The following SORBS2 variants were observed in gnomAD, a reference collection of about 807,000 sequenced individuals.
SORBS2 encodes sorbin and SH3 domain containing 2.
A neutral mutation model predicts 97.7 loss-of-function variants in SORBS2; 46 were observed. The ratio of observed to expected loss-of-function variants is 0.47; its 90% CI spans 0.37 to 0.60. The LOEUF (loss-of-function observed/expected upper bound fraction) is 0.60. Among genes scored for constraint, SORBS2 ranks in the 20% least tolerant of loss-of-function variants. The probability of loss-of-function intolerance (pLI) is 0.00; values close to 1 mark genes in which losing one functional copy is unlikely to be tolerated. For synonymous variants in SORBS2, 476 were observed against 473.4 expected, an observed-to-expected ratio of 1.01 and a Z score of -0.07; for missense variants, 1,316 against 1,282.3, an observed-to-expected ratio of 1.03 and a Z score of -0.40.
chr4:185,593,016 G>A (rs2095991307), intron 13 of SORBS2: 2 of 152,250 alleles, frequency 1.3e-5, no homozygotes, highest in Admixed American at 1.3e-4. Context: ...GGTGATAAAG[G>A]CACCAGGTCA....
Position 185,606,190 on chromosome 4 carries a change from T to A in SORBS2, c.2796+5590A>T, listed in dbSNP as rs2096413929. ...GGCATCAACTTCCTCTTCTCTAAAG[T>A]GGGGATGATAATGTCACACACCTCA... is the stretch of plus-strand genomic sequence containing the variant. On this transcript the variant is annotated intron_variant, in intron 12 of 14. Coordinates refer to ENST00000418609, the Ensembl canonical transcript of SORBS2. This position sits in a 1 kb window ranked among gnomAD's most constrained non-coding sequence, Gnocchi z 4.3. The A allele has an allele frequency of 1.0e-6, 1 of 985,228 alleles. No homozygotes were observed. The highest frequency in any genetic ancestry group is 1.2e-6 in the Non-Finnish European group (1 of 829,890). The allele number at this position is 985,228 out of a possible 1,614,324, so 61.0% of individuals were successfully genotyped here.
intron 1 of SORBS2, among the ~76,000 whole-genome samples, chr4:185,921,273 C>T (rs181095233): frequency 1.3e-5 from 2 of 152,184 alleles, no homozygotes; most frequent in Admixed American, 1.3e-4. Context: ...AACATCAATA[C>T]CGTAAGGATT....
rs577134929 is a variant in SORBS2, at chr4:185,684,843, C to T, written c.-197-6021G>A. The T allele has an allele frequency of 1.4e-5, 21 of 1,551,698 alleles. No homozygotes were observed. Among genetic ancestry groups the T allele is most frequent in the Non-Finnish European group, 1.8e-5 (21 of 1,146,938 alleles). The stretch of plus-strand genomic sequence containing the variant: ...GGCACGTTTGCGAGCACACCCACCG[C>T]TATCTGGAAGCAAAAAAATGATATA... On this transcript the variant is annotated intron_variant, in intron 2 of 20. Transcript: ENST00000284776. This position sits in a 1 kb window ranked among gnomAD's most constrained non-coding sequence, Gnocchi z 4.2.
chr4:185,879,422 A>C (rs375431903), intron 1 of SORBS2, among the ~76,000 whole-genome samples: 1 of 152,004 alleles, frequency 6.6e-6, no homozygotes, highest in East Asian at 1.9e-4. Context: ...TCTATCATTG[A>C]TGGACATTCG....
intron 1 of SORBS2, among the ~76,000 whole-genome samples, chr4:185,827,304 C>A (rs796577803): frequency 7.8e-6 from 1 of 128,820 alleles, no homozygotes; most frequent in Non-Finnish European, 1.7e-5. Context: ...TCATCATCAC[C>A]ATCATCACCA....
chr4:185,915,128 T>A (rs1022260568), intron 1 of SORBS2, among the ~76,000 whole-genome samples: 2 of 152,248 alleles, frequency 1.3e-5, no homozygotes, highest in Non-Finnish European at 2.9e-5. Flanking sequence ...TCACTGCTCA[T>A]TTTCTCATGT....
chr4:185,759,070 C>G (rs548243595), intron 2 of SORBS2, among the ~76,000 whole-genome samples: 43 of 152,314 alleles, frequency 2.8e-4, no homozygotes, highest in Admixed American at 8.5e-4. Context: ...GTCTCAAGCG[C>G]TCAGAACAGT....
intron 1 of SORBS2, among the ~76,000 whole-genome samples, chr4:185,937,470 T>A (rs187909387): frequency 1.1e-3 from 165 of 152,288 alleles, no homozygotes; most frequent in African/African-American, 3.9e-3. Context: ...AATCTTAAGG[T>A]TGATGGGCAC....
intron 1 of SORBS2, among the ~76,000 whole-genome samples, chr4:185,798,403 A>T (rs755956842): frequency 1.6e-4 from 24 of 152,308 alleles, no homozygotes; most frequent in Non-Finnish European, 3.1e-4. Context: ...TGATAATGAC[A>T]TTTAGGCCAG....
intron 2 of SORBS2, among the ~76,000 whole-genome samples, chr4:185,731,822 GTC>G (rs1260184207): frequency 1.7e-5 from 1 of 59,670 alleles, no homozygotes; most frequent in Non-Finnish European, 3.2e-5. Context: ...CTCCCTGCCT[GTC>G]TCTCTCTTTC....
At chr4:185,939,566 G>A (rs1414812136) in intron 1 of SORBS2, among the ~76,000 whole-genome samples, 4 of 151,938 alleles carry the variant, frequency 2.6e-5, no homozygotes, top group African/African-American at 7.3e-5. Context: ...GCTGGAGTGC[G>A]ATGGCGCGAC....
chr4:185,855,221 C>G (rs1006683901), intron 1 of SORBS2, among the ~76,000 whole-genome samples: 5 of 152,050 alleles, frequency 3.3e-5, no homozygotes, highest in African/African-American at 9.7e-5. Flanking sequence ...TGAGGCCTTC[C>G]CCTCTGAAGG....
intron 1 of SORBS2, among the ~76,000 whole-genome samples, chr4:185,879,695 T>C (rs1362014015): frequency 1.3e-5 from 1 of 79,494 alleles, no homozygotes; most frequent in Non-Finnish European, 2.8e-5. Context: ...TTTCCTGACT[T>C]TTTAATGATC....
At chr4:185,765,020 G>A (rs2098925995) in intron 2 of SORBS2, among the ~76,000 whole-genome samples, 1 of 152,038 alleles carries the variant, frequency 6.6e-6, no homozygotes. Flanking sequence ...TATCTTGAAA[G>A]CCTGTGTTGG....
At chr4:185,662,586 C>T (rs898180264) in intron 4 of SORBS2, among the ~76,000 whole-genome samples, 3 of 152,156 alleles carry the variant, frequency 2.0e-5, no homozygotes, top group South Asian at 2.1e-4. Flanking sequence ...CTCTGACAGT[C>T]GTAACATCAG....
intron 1 of SORBS2, among the ~76,000 whole-genome samples, chr4:185,938,431 C>CACACACACACACA (rs1554055084): frequency 3.4e-5 from 5 of 145,428 alleles, no homozygotes; most frequent in Non-Finnish European, 3.0e-5. Flanking sequence ...CACACACACA[C>CACACACACACACA]CCTTTTATTC....
chr4:185,691,133 G>A (rs1329358726), intron 2 of SORBS2, among the ~76,000 whole-genome samples: 1 of 152,020 alleles, frequency 6.6e-6, no homozygotes, highest in African/African-American at 2.4e-5. Flanking sequence ...AACTCCTGAC[G>A]TCGTGATCCA....
chr4:185,819,280 GT>G (rs1423420996), intron 1 of SORBS2, among the ~76,000 whole-genome samples: 2 of 152,176 alleles, frequency 1.3e-5, no homozygotes, highest in East Asian at 3.9e-4. Context: ...TTTGAAACTG[GT>G]TTCTATCCTC....
At chr4:185,653,491 C>T (rs1331888565) in intron 1 of SORBS2, among the ~76,000 whole-genome samples, 1 of 152,132 alleles carries the variant, frequency 6.6e-6, no homozygotes. Context: ...CTGCTTAATA[C>T]ACCCTAGCAA....
Sources: allele counts gnomAD v4.1 joint callset (sites outside exome capture counted in the v4.1 genomes callset), GRCh38; gene constraint gnomAD v4.1.1; non-coding constraint Gnocchi (gnomAD v3.1); transcripts MANE v1.5; gene names NCBI Gene and HGNC (gene_info 2026-07-23, HGNC 2026-07-21).